Variants in THRB observed in about 807,000 individuals in gnomAD.
THRB encodes the protein thyroid hormone receptor beta.
A neutral mutation model predicts 47.8 loss-of-function variants in THRB; 12 were observed. The observed-to-expected ratio is 0.25, with a 90% confidence interval of 0.16 to 0.41. The LOEUF (loss-of-function observed/expected upper bound fraction) is 0.41, where lower values mean the gene tolerates loss of function less well. THRB is among the 10% of genes least tolerant of loss of function. The pLI, the probability that THRB is intolerant of heterozygous loss-of-function variation, is 1.00. For missense variants in THRB, 348 were observed against 589.2 expected, an observed-to-expected ratio of 0.59 and a Z score of 4.24; for synonymous variants, 218 against 212.2, an observed-to-expected ratio of 1.03 and a Z score of -0.24.
At chr3:24,369,008 C>T (rs1303074670) in intron 1 of THRB, among the ~76,000 whole-genome samples, 1 of 152,082 alleles carries the variant, frequency 6.6e-6, no homozygotes, top group Admixed American at 6.6e-5. Flanking sequence ...TTACTTTCAA[C>T]TCACTGTAAT....
intron 4 of THRB, among the ~76,000 whole-genome samples, chr3:24,196,323 G>A (rs1575774528): frequency 6.6e-6 from 1 of 152,066 alleles, no homozygotes; most frequent in Non-Finnish European, 1.5e-5. Flanking sequence ...GTGAGAGGTG[G>A]TCATTAGAGA....
chr3:24,253,062 C>T (rs540914056), intron 3 of THRB, among the ~76,000 whole-genome samples: 3 of 151,254 alleles, frequency 2.0e-5, no homozygotes, highest in African/African-American at 7.3e-5. Flanking sequence ...ACAGTGAATA[C>T]AAATAAAGGT....
chr3:24,386,679 A>C (rs1216123034), intron 1 of THRB, among the ~76,000 whole-genome samples: 1 of 152,088 alleles, frequency 6.6e-6, no homozygotes, highest in Non-Finnish European at 1.5e-5. Context: ...TGCATATTTC[A>C]ACATCGATTT....
chr3:24,273,865 G>A (rs1395351954), intron 3 of THRB, among the ~76,000 whole-genome samples: 1 of 150,488 alleles, frequency 6.6e-6, no homozygotes, highest in Non-Finnish European at 1.5e-5. Context: ...AAGGAACTAT[G>A]GGCCTGTATG....
At chr3:24,130,537 C>T (rs1320164754) in intron 9 of THRB, among the ~76,000 whole-genome samples, 1 of 152,098 alleles carries the variant, frequency 6.6e-6, no homozygotes, top group Non-Finnish European at 1.5e-5. Flanking sequence ...AGTAGAGTTC[C>T]TCCTCAGACC....
At chr3:24,197,518 C>A (rs1032549223) in intron 4 of THRB, among the ~76,000 whole-genome samples, 4 of 152,180 alleles carry the variant, frequency 2.6e-5, no homozygotes, top group African/African-American at 7.2e-5. Flanking sequence ...ATGGTACATG[C>A]GCCCTTTTCC....
chr3:24,448,972 G>A (rs2072374197), intron 1 of THRB, among the ~76,000 whole-genome samples: 2 of 152,114 alleles, frequency 1.3e-5, no homozygotes, highest in Admixed American at 1.3e-4. Context: ...GCCAAAATAA[G>A]GTCAAGGACA....
At chr3:24,299,283 T>C (rs913911972) in intron 2 of THRB, among the ~76,000 whole-genome samples, 2 of 143,072 alleles carry the variant, frequency 1.4e-5, no homozygotes, top group Non-Finnish European at 3.0e-5. Context: ...AGAAAAGTAA[T>C]TCAGGTTCAC....
chr3:24,344,449 A>G (rs1011940270), intron 1 of THRB, among the ~76,000 whole-genome samples: 2 of 151,942 alleles, frequency 1.3e-5, no homozygotes, highest in Non-Finnish European at 2.9e-5. Context: ...GAAAATTACT[A>G]CTCTCTACAT....
chr3:24,333,996 A>G (rs993558978), intron 2 of THRB, among the ~76,000 whole-genome samples: 1 of 152,114 alleles, frequency 6.6e-6, no homozygotes, highest in African/African-American at 2.4e-5. Flanking sequence ...AGGCTCTAAA[A>G]CGCAGAATTG....
At chr3:24,406,540 C>T (rs1390684110) in intron 1 of THRB, among the ~76,000 whole-genome samples, 1 of 151,022 alleles carries the variant, frequency 6.6e-6, no homozygotes, top group African/African-American at 2.4e-5. Context: ...CAGAATTTTA[C>T]TTGGAATTTT....
In THRB at chr3:24,117,836, C is replaced by T. The variant is rs1175756008; in HGVS notation, c.*5048G>A. The T allele has an allele frequency of 6.6e-6, 1 of 152,214 alleles. No homozygotes were observed. The highest frequency in any genetic ancestry group is 1.5e-5 in the Non-Finnish European group (1 of 68,036). 9.4% of individuals were successfully genotyped at this position (152,214 alleles called of 1,614,324 possible). The stretch of plus-strand genomic sequence containing the variant: ...TTGTCATAGAAAGAATCTCAATTAA[C>T]ATGTGTTCAGGGCAACAGAGATTGA... On this transcript the variant is annotated 3_prime_UTR_variant, in exon 11 of 11. Coordinates refer to ENST00000646209, the MANE Select transcript of THRB (RefSeq NM_001354712.2).
intron 1 of THRB, among the ~76,000 whole-genome samples, chr3:24,484,653 T>C (rs1697020590): frequency 6.6e-6 from 1 of 152,190 alleles, no homozygotes; most frequent in Non-Finnish European, 1.5e-5. Flanking sequence ...ATCGCCTGTT[T>C]TGTAAACAAA....
At chr3:24,420,338 G>A (rs765428899) in intron 1 of THRB, among the ~76,000 whole-genome samples, 1 of 151,860 alleles carries the variant, frequency 6.6e-6, no homozygotes, top group South Asian at 2.1e-4. Flanking sequence ...ACATGTCCAC[G>A]TAGTCCAGCC....
intron 4 of THRB, among the ~76,000 whole-genome samples, chr3:24,212,392 C>T (rs565039500): frequency 5.3e-5 from 8 of 151,288 alleles, no homozygotes; most frequent in Admixed American, 2.0e-4. Context: ...AGCTAGACTC[C>T]GTCTCAAAAC....
At position 24,405,882 on chromosome 3, in the gene THRB, A is replaced by C. The variant is rs1356196053; in HGVS notation, c.-260-68511T>G. Among the ~76,000 whole-genome samples the C allele has an allele frequency of 4.0e-5, 6 of 151,568 alleles. No homozygotes were observed. The South Asian group carries it at 8.3e-4, about 21-fold the overall frequency. ...GTCAATTAGTATAGAATATTTTCTT[A>C]TTAAATGTCATCTTCCAAATTATTT... is the stretch of plus-strand genomic sequence containing the variant. On this transcript the variant is annotated intron_variant, in intron 1 of 10. Coordinates refer to ENST00000646209, the MANE Select transcript of THRB (RefSeq NM_001354712.2).
intron 3 of THRB, among the ~76,000 whole-genome samples, chr3:24,236,851 A>C (rs907019727): frequency 6.6e-6 from 1 of 152,126 alleles, no homozygotes; most frequent in African/African-American, 2.4e-5. Context: ...TTGCATTTTA[A>C]TATTAAATCT....
At chr3:24,303,677 T>G (rs970461040) in intron 2 of THRB, among the ~76,000 whole-genome samples, 2 of 152,222 alleles carry the variant, frequency 1.3e-5, no homozygotes, top group African/African-American at 4.8e-5. Context: ...ATACATTCTC[T>G]TACGTCTAAT....
intron 3 of THRB, among the ~76,000 whole-genome samples, chr3:24,264,850 A>C (rs1352360608): frequency 5.3e-5 from 8 of 152,134 alleles, no homozygotes. Flanking sequence ...AAAAGTCCAC[A>C]AGAGGGCAGT....
Sources: allele counts gnomAD v4.1 joint callset (sites outside exome capture counted in the v4.1 genomes callset), GRCh38; gene constraint gnomAD v4.1.1; transcripts MANE v1.5; gene names NCBI Gene and HGNC (gene_info 2026-07-23, HGNC 2026-07-21).